The following SYNE2 variants were observed in gnomAD, a reference collection of about 807,000 sequenced individuals.
SYNE2 encodes the protein spectrin repeat containing nuclear envelope protein 2.
A neutral mutation model predicts 856.3 loss-of-function variants in SYNE2; 431 were observed. The observed-to-expected ratio is 0.50, with a 90% confidence interval of 0.47 to 0.55. SYNE2 has a LOEUF of 0.55. Ranked by LOEUF, SYNE2 falls within the 20% of genes least tolerant of loss-of-function variation. The pLI is 0.00. For synonymous variants in SYNE2, 2,923 were observed against 2,872.3 expected, an observed-to-expected ratio of 1.02 and a Z score of -0.56; for missense variants, 8,129 against 8,023.2, an observed-to-expected ratio of 1.01 and a Z score of -0.50.
intron 98 of SYNE2, among the ~76,000 whole-genome samples, chr14:64,189,381 C>T (rs1419686405): frequency 6.6e-6 from 1 of 151,680 alleles, no homozygotes; most frequent in Admixed American, 6.6e-5. Context: ...AGGCCAACAG[C>T]AGTGAGGCTC....
chr14:63,974,880 GTGTGTGTGTGTGTATA>G (rs1403870139), intron 11 of SYNE2, among the ~76,000 whole-genome samples: 7 of 28,566 alleles, frequency 2.5e-4, no homozygotes, highest in East Asian at 2.9e-3. Context: ...GTGTGTGTGT[GTGTGTGTGTGTGTATA>G]TATATATATA....
At chr14:63,994,388 A>T (rs769100069) in intron 22 of SYNE2, among the ~76,000 whole-genome samples, 7 of 152,208 alleles carry the variant, frequency 4.6e-5, no homozygotes, top group African/African-American at 1.4e-4. Flanking sequence ...ATCTATGTCT[A>T]TGTAAGTGGA....
chr14:63,818,398 G>C (rs1012889701), intron 1 of SYNE2, among the ~76,000 whole-genome samples: 11 of 150,140 alleles, frequency 7.3e-5, no homozygotes, highest in Non-Finnish European at 7.4e-5. Flanking sequence ...CAAGTCTGTA[G>C]TCCCAGCTAC....
intron 19 of SYNE2, among the ~76,000 whole-genome samples, chr14:63,987,147 C>T (rs538733373): frequency 3.9e-5 from 6 of 152,040 alleles, no homozygotes; most frequent in African/African-American, 1.4e-4. Flanking sequence ...CCCAGCTCCT[C>T]GGGAGGCTGA....
intron 82 of SYNE2, 24 bp from the exon 83 acceptor site, chr14:64,143,748 G>A (rs181899555): frequency 6.2e-7 from 1 of 1,613,316 alleles, no homozygotes; most frequent in East Asian, 2.2e-5. Context: ...TGACTGCTTT[G>A]GTGTTTAACT....
chr14:64,014,255 TTAAC>T (rs2096870449), intron 32 of SYNE2, among the ~76,000 whole-genome samples: 1 of 152,350 alleles, frequency 6.6e-6, no homozygotes, highest in East Asian at 1.9e-4. Context: ...GTGTCACAGT[TTAAC>T]TATTCACCCA....
rs2097949096 is a variant in SYNE2, at chr14:64,126,641, A to G, written c.13751A>G (p.Asp4584Gly). ...ELKKLYLALS[D>G]KKGDLLKAMT... ...AAGAAACTTTATTTAGCGCTAAGTG[A>G]CAAGAAGGGTGATCTTTTGAAAGCC... Residue 4584 changes from aspartate to glycine, a missense_variant, in exon 73 of 116, where the codon GAC becomes GGC. Asp to Gly is a moderately conservative substitution (Grantham distance 94). Around this residue, in one of 3 missense-constraint regions of SYNE2, gnomAD observed 5,410 missense variants for 5,284.8 expected, o/e 1.02. Transcript: ENST00000555002. The G allele has an allele frequency of 6.2e-7, 1 of 1,614,176 alleles. No individual in the cohort carries two copies. The highest frequency in any genetic ancestry group is 8.5e-7 in the Non-Finnish European group (1 of 1,180,022).
rs74058065 is a variant in SYNE2, at chr14:63,869,034, G to T, written c.-52+15891G>T. Reference sequence around the variant, plus strand: ...AGGACATTAACCTTCAAGCAGCTCCGAAGGGAAAGGAATATTAGAACTTGA... The same window carrying T: ...AGGACATTAACCTTCAAGCAGCTCCTAAGGGAAAGGAATATTAGAACTTGA... On this transcript the variant is annotated intron_variant, in intron 1 of 115. Transcript: ENST00000555002. Among the ~76,000 whole-genome samples the T allele has an allele frequency of 5.3e-3, 814 of 152,278 alleles. 4 individuals carry two copies. Among genetic ancestry groups the T allele is most frequent in the African/African-American group, 0.019 (775 of 41,554 alleles).
chr14:64,137,620 A>G (rs1055099508), intron 78 of SYNE2, among the ~76,000 whole-genome samples, 167 bp from the exon 79 acceptor site: 11 of 152,220 alleles, frequency 7.2e-5, no homozygotes, highest in Non-Finnish European at 1.0e-4. Context: ...AAGGTAACCA[A>G]TAAACCATTA....
intron 1 of SYNE2, among the ~76,000 whole-genome samples, chr14:63,896,637 G>A (rs1323717833): frequency 2.0e-5 from 3 of 152,218 alleles, no homozygotes; most frequent in Non-Finnish European, 4.4e-5. Context: ...CCTTGGAGAA[G>A]CTGATGATTG....
Position 64,128,471 on chromosome 14 carries a change from A to G in SYNE2, c.13937A>G (p.Tyr4646Cys). The change falls in exon 74 of 116, where the codon TAT becomes TGT. Residue 4646 changes from tyrosine (Y) to cysteine (C), a missense_variant. Tyr to Cys is a radical substitution (Grantham distance 194). This residue lies in a region of SYNE2 where 5,410 missense variants were observed against 5,284.8 expected (regional missense o/e 1.02). Coordinates refer to ENST00000555002, the MANE Select transcript of SYNE2 (RefSeq NM_182914.3). ...TTACAGAATGAAATAAAGAGATTAT[A>G]TCATCAGCTCATTAAGAGTAAGACA... ...RSYQNEIKRL[Y>C]HQLIKSKTSL... 1 of 1,577,468 alleles carries G rather than the reference A, an allele frequency of 6.3e-7. No individual in the cohort carries two copies. The highest frequency in any genetic ancestry group is 8.7e-7 in the Non-Finnish European group (1 of 1,146,636).
chr14:64,050,347 T>C (rs1383990187), intron 47 of SYNE2, among the ~76,000 whole-genome samples: 1 of 152,210 alleles, frequency 6.6e-6, no homozygotes, highest in Non-Finnish European at 1.5e-5. Context: ...TTTCAAAATA[T>C]GAATTTTAAG....
At chr14:64,159,768 TGG>T (rs2098313839) in intron 87 of SYNE2, among the ~76,000 whole-genome samples, 1 of 151,868 alleles carries the variant, frequency 6.6e-6, no homozygotes, top group Non-Finnish European at 1.5e-5. Context: ...GACAAAGGAG[TGG>T]GCCAGATGGG....
chr14:64,087,192 A>G (rs1233462213), intron 57 of SYNE2, among the ~76,000 whole-genome samples: 1 of 151,444 alleles, frequency 6.6e-6, no homozygotes, highest in East Asian at 1.9e-4. Flanking sequence ...ATTCTGAATA[A>G]CCCACTTAGT....
At chr14:63,795,483 A>G (rs1391183959) in intron 1 of SYNE2, among the ~76,000 whole-genome samples, 1 of 151,998 alleles carries the variant, frequency 6.6e-6, no homozygotes, top group African/African-American at 2.4e-5. Flanking sequence ...TTAATACTTA[A>G]TAGTTAATAC....
chr14:64,134,028 GGT>G, intron 77 of SYNE2, 39 bp from the exon 78 acceptor site: 1 of 1,611,258 alleles, frequency 6.2e-7, no homozygotes, highest in Non-Finnish European at 8.5e-7. Flanking sequence ...GAACCAATCT[GGT>G]AAAGGGCTTC....
At chr14:63,927,442 C>T (rs1053941521) in intron 2 of SYNE2, among the ~76,000 whole-genome samples, 17 of 152,112 alleles carry the variant, frequency 1.1e-4, no homozygotes, top group African/African-American at 1.4e-4. Flanking sequence ...GTAATTCCCA[C>T]GTGTTGTGGG....
intron 11 of SYNE2, among the ~76,000 whole-genome samples, chr14:63,974,886 GTGTGTGTATATATA>G (rs1467558753): frequency 1.1e-4 from 3 of 26,292 alleles, no homozygotes; most frequent in East Asian, 1.4e-3. Context: ...GTGTGTGTGT[GTGTGTGTATATATA>G]TATATATATA....
At chr14:64,160,222 C>T (rs2153713089) in intron 87 of SYNE2, among the ~76,000 whole-genome samples, 1 of 152,326 alleles carries the variant, frequency 6.6e-6, no homozygotes. Flanking sequence ...TCTGACTCCA[C>T]ATACAATATC....
Sources: allele counts gnomAD v4.1 joint callset (sites outside exome capture counted in the v4.1 genomes callset), GRCh38; gene constraint gnomAD v4.1.1; regional missense constraint gnomAD v4.1.1; transcripts MANE v1.5; gene names NCBI Gene and HGNC (gene_info 2026-07-23, HGNC 2026-07-21).